FUBP1: variants seen among roughly 807,000 people sequenced by gnomAD.
FUBP1 encodes the protein far upstream element binding protein 1, also known as far upstream element-binding protein 1.
A neutral mutation model predicts 94.9 loss-of-function variants in FUBP1; 16 were observed. That is an observed-to-expected ratio of 0.17 (90% confidence interval 0.11 to 0.26). FUBP1 has a LOEUF of 0.26. Among genes scored for constraint, FUBP1 ranks in the 10% least tolerant of loss-of-function variants. The pLI is 1.00. For synonymous variants in FUBP1, 279 were observed against 254.9 expected, an observed-to-expected ratio of 1.09 and a Z score of -0.90; for missense variants, 583 against 808.6, an observed-to-expected ratio of 0.72 and a Z score of 3.38.
chr1:77,958,397 T>G (rs902427364), intron 16 of FUBP1, among the ~76,000 whole-genome samples: 3 of 152,250 alleles, frequency 2.0e-5, no homozygotes, highest in Admixed American at 6.5e-5. Flanking sequence ...TAGGTTTATT[T>G]GACTCTGAAG....
Position 77,965,166 on chromosome 1 carries a change from C to T in FUBP1, c.539G>A (p.Gly180Asp). ...TTGAACTGCATTTCCCGGTCCATCG[C>T]CATGATGGAAGCCAGGAGCTGGTCT... The part of the protein sequence containing the change: ...KGRPAPGFHH[G>D]DGPGNAVQEI... The change falls in exon 8 of 20, where the codon GGC (glycine) becomes GAC (aspartate). Residue 180 changes from glycine to aspartate, a missense_variant. By Grantham distance (94) the Gly-to-Asp change is moderately conservative. Coordinates refer to ENST00000370768, the MANE Select transcript of FUBP1 (RefSeq NM_003902.5). 1 of 1,610,730 alleles carries T rather than the reference C, an allele frequency of 6.2e-7. No homozygotes were observed. The highest frequency in any genetic ancestry group is 8.5e-7 in the Non-Finnish European group (1 of 1,177,030).
chr1:77,979,272 C>G, upstream of FUBP1: 1 of 442,938 alleles, frequency 2.3e-6, no homozygotes, highest in South Asian at 3.6e-5. Context: ...CTTTTGGCAC[C>G]TCCTCTCCGC....
Position 77,959,589 on chromosome 1 carries a change from A to G in FUBP1, c.1576+595T>C, listed in dbSNP as rs187870022. Among the ~76,000 whole-genome samples the G allele has an allele frequency of 1.1e-3, 166 of 152,268 alleles. 1 individual carries two copies. The highest frequency in any genetic ancestry group is 3.8e-3 in the African/African-American group (157 of 41,550). On this transcript the variant is annotated intron_variant, in intron 16 of 19. Transcript: ENST00000370768. The stretch of plus-strand genomic sequence containing the variant: ...GAGATGGGATCCCATTCTGTTGCCC[A>G]GGGGAGTGCAATGGTGTGCCCACAG...
chr1:77,948,261 G>T lies in FUBP1; in HGVS notation c.*505C>A. ...AGATCCTCCAATCTACCACTATACT[G>T]CAAGGGGGGAAAAACATGCCAGTGT... On this transcript the variant is annotated 3_prime_UTR_variant, in exon 20 of 20. Coordinates refer to ENST00000370768, the MANE Select transcript of FUBP1 (RefSeq NM_003902.5). The T allele has an allele frequency of 9.5e-7, 1 of 1,055,672 alleles. No individual in the cohort carries two copies. The highest frequency in any genetic ancestry group is 1.6e-5 in the African/African-American group (1 of 60,658). 65.4% of individuals were successfully genotyped at this position (1,055,672 alleles called of 1,614,324 possible).
intron 1 of FUBP1, among the ~76,000 whole-genome samples, chr1:77,971,802 G>C (rs1395422270): frequency 6.6e-6 from 1 of 151,920 alleles, no homozygotes; most frequent in Non-Finnish European, 1.5e-5. Context: ...GAGGTCAGGA[G>C]TTCGAGACCA....
At chr1:77,966,386 A>C (rs1037618960) in intron 7 of FUBP1, among the ~76,000 whole-genome samples, 7 of 152,164 alleles carry the variant, frequency 4.6e-5, no homozygotes, top group African/African-American at 1.4e-4. Flanking sequence ...ACTTGAGCTT[A>C]ATGTCTGAGT....
chr1:77,956,773 C>A (rs535619112), intron 16 of FUBP1, 73 bp from the exon 17 acceptor site: 6 of 1,085,430 alleles, frequency 5.5e-6, no homozygotes, highest in Admixed American at 4.2e-5. Context: ...ACACCACCCC[C>A]CCGCCCAGCT....
chr1:77,977,074 C>T (rs1250099741), intron 1 of FUBP1, among the ~76,000 whole-genome samples: 1 of 152,206 alleles, frequency 6.6e-6, no homozygotes, highest in East Asian at 1.9e-4. Context: ...ACTTATAAAG[C>T]AAGTGGATGA....
chr1:77,971,131 A>T (rs562512814), intron 1 of FUBP1, among the ~76,000 whole-genome samples: 1 of 152,256 alleles, frequency 6.6e-6, no homozygotes, highest in East Asian at 1.9e-4. Context: ...TTTTTCTATA[A>T]AAGGACAACC....
intron 1 of FUBP1, among the ~76,000 whole-genome samples, chr1:77,975,170 C>A (rs1658363897): frequency 6.6e-6 from 1 of 152,164 alleles, no homozygotes; most frequent in Non-Finnish European, 1.5e-5. Context: ...ATACAGAGGT[C>A]TGACTTGTAC....
chr1:77,975,789 A>G (rs770251900), intron 1 of FUBP1, among the ~76,000 whole-genome samples: 1 of 152,174 alleles, frequency 6.6e-6, no homozygotes, highest in Non-Finnish European at 1.5e-5. Context: ...CAGGCTGGAA[A>G]CCCTGAACTA....
chr1:77,960,651 T>C, intron 14 of FUBP1, 156 bp from the exon 15 acceptor site: 1 of 553,652 alleles, frequency 1.8e-6, no homozygotes. Flanking sequence ...AAAAACTATT[T>C]CATCTGCCAT....
At chr1:77,954,817 C>CT (rs1214034320) in intron 18 of FUBP1, among the ~76,000 whole-genome samples, 1 of 152,164 alleles carries the variant, frequency 6.6e-6, no homozygotes, top group Non-Finnish European at 1.5e-5. Context: ...GGGAGACAAG[C>CT]TTGGGACTCA....
chr1:77,964,354 G>A lies in FUBP1; in HGVS notation c.840C>T (p.Val280=), dbSNP rs886928998. The change falls in exon 11 of 20, where the codon GTC becomes GTT. Residue 280 remains valine, a splice_region_variant and synonymous_variant. Coordinates refer to ENST00000370768, the MANE Select transcript of FUBP1 (RefSeq NM_003902.5). ...TGCCAACAGCAAATCTTGGAATGGGGACCTTATGTAAAAAAGACTAAGTAT... is the reference window on the plus strand; with the variant it reads ...TGCCAACAGCAAATCTTGGAATGGGAACCTTATGTAAAAAAGACTAAGTAT... ...SRIGGNEGID[V]PIPRFAVGIV... 6.4e-7 allele frequency: 1 copy of A among 1,562,546 alleles called. No homozygotes were observed. The highest frequency in any genetic ancestry group is 8.7e-7 in the Non-Finnish European group (1 of 1,142,924).
In FUBP1 at chr1:77,948,002, C is replaced by T. The variant is rs189768131; in HGVS notation, c.*764G>A. 4.6e-5 allele frequency: 47 copies of T among 1,027,270 alleles called. No homozygotes were observed. The highest frequency in any genetic ancestry group is 4.5e-4 in the Middle Eastern group (1 of 2,210). The allele number at this position is 1,027,270 out of a possible 1,614,324, so 63.6% of individuals were successfully genotyped here. On this transcript the variant is annotated 3_prime_UTR_variant, in exon 20 of 20. Transcript: ENST00000370768. ...GAAAACTGTTTAAAATTAGTTATGC[C>T]GAAACAGTCTTGGAAATCAAGTATT...
intron 18 of FUBP1, among the ~76,000 whole-genome samples, chr1:77,953,265 G>A (rs2102278010): frequency 6.6e-6 from 1 of 152,212 alleles, no homozygotes; most frequent in South Asian, 2.1e-4. Flanking sequence ...TGAGGCAGGT[G>A]GATCACCTGA....
At chr1:77,950,762 A>C (rs1486777256) in intron 18 of FUBP1, among the ~76,000 whole-genome samples, 1 of 152,190 alleles carries the variant, frequency 6.6e-6, no homozygotes, top group Non-Finnish European at 1.5e-5. Flanking sequence ...ACACACAGGA[A>C]GCTCTTTTTA....
chr1:77,969,319 A>G (rs556017720), intron 2 of FUBP1, among the ~76,000 whole-genome samples: 4 of 152,266 alleles, frequency 2.6e-5, no homozygotes, highest in African/African-American at 9.6e-5. Context: ...CTAAAACAAA[A>G]AATACATGCA....
In FUBP1 at chr1:77,979,023, G is replaced by T. The variant is rs1448285361; in HGVS notation, c.-19C>A. ...CTGCCATGGTTGCACTATAAGAGCCGCTGCCGCCTGTTCAGAGACTTCCTC... is the reference window on the plus strand; with the variant it reads ...CTGCCATGGTTGCACTATAAGAGCCTCTGCCGCCTGTTCAGAGACTTCCTC... On this transcript the variant is annotated 5_prime_UTR_variant, in exon 1 of 20. Transcript: ENST00000370768. 2 of 1,594,398 alleles carry T rather than the reference G, an allele frequency of 1.3e-6. No homozygotes were observed. The highest frequency in any genetic ancestry group is 1.7e-6 in the Non-Finnish European group (2 of 1,166,978).
Sources: gnomAD v4.1 joint callset for allele counts (sites outside exome capture counted in the v4.1 genomes callset) on GRCh38, gnomAD v4.1.1 for gene constraint, MANE v1.5 for transcripts, NCBI Gene and HGNC (gene_info 2026-07-23, HGNC 2026-07-21) for gene names.